The following GRM7 variants were observed in gnomAD, a reference collection of about 807,000 sequenced individuals.
GRM7 encodes the protein glutamate metabotropic receptor 7, also known as metabotropic glutamate receptor 7.
GRM7 carries 35 observed loss-of-function variants against 84.5 expected under a neutral mutation model. The observed-to-expected ratio is 0.41, with a 90% CI of 0.32 to 0.55. The LOEUF is 0.55. Ranked by LOEUF, GRM7 falls within the 20% of genes least tolerant of loss-of-function variation. The pLI, the probability that GRM7 is intolerant of heterozygous loss-of-function variation, is 0.19. For missense variants in GRM7, 1,003 were observed against 1,194.6 expected (o/e 0.84, Z 2.36); for synonymous variants, 487 against 455.1 (o/e 1.07, Z -0.89).
chr3:7,005,450 C>T (rs965748837), intron 1 of GRM7, among the ~76,000 whole-genome samples: 1 of 152,164 alleles, frequency 6.6e-6, no homozygotes, highest in Non-Finnish European at 1.5e-5. Flanking sequence ...CTTTAAAGTT[C>T]TGAAAGCCTC....
intron 2 of GRM7, among the ~76,000 whole-genome samples, chr3:7,174,210 G>A (rs1474718275): frequency 2.0e-5 from 3 of 152,202 alleles, no homozygotes; most frequent in Non-Finnish European, 4.4e-5. Flanking sequence ...CTGGTGAAGA[G>A]TGTGGATTCA....
At chr3:7,163,628 A>G (rs139319742) in intron 2 of GRM7, among the ~76,000 whole-genome samples, 2 of 152,258 alleles carry the variant, frequency 1.3e-5, no homozygotes, top group Non-Finnish European at 2.9e-5. Flanking sequence ...TGTGTGTTGG[A>G]TGTTATTTTA....
chr3:7,141,838 T>C (rs1693954461), intron 1 of GRM7, among the ~76,000 whole-genome samples: 1 of 152,116 alleles, frequency 6.6e-6, no homozygotes. Context: ...GAATTATTAA[T>C]TAATAAATGG....
chr3:7,122,072 A>G (rs1180276258), intron 1 of GRM7, among the ~76,000 whole-genome samples: 2 of 152,144 alleles, frequency 1.3e-5, no homozygotes, highest in African/African-American at 2.4e-5. Flanking sequence ...CTCCAAAACT[A>G]AGGACCAAAT....
rs1694985140 is a variant in GRM7, at chr3:7,391,331, T to C, written c.1034-23692T>C. On this transcript the variant is annotated intron_variant, in intron 4 of 9. Transcript: ENST00000357716. ...ACCCAAATGTCCATCAATGATAGAC[T>C]GGATTAAGAAAATGTGGCACATACA... Among the ~76,000 whole-genome samples the C allele has an allele frequency of 1.3e-5, 2 of 152,156 alleles. 1 individual carries two copies. Among genetic ancestry groups the C allele is most frequent in the South Asian group, 4.1e-4 (2 of 4,834 alleles).
intron 1 of GRM7, among the ~76,000 whole-genome samples, chr3:7,050,014 G>A (rs181438739): frequency 2.0e-5 from 3 of 151,986 alleles, no homozygotes; most frequent in African/African-American, 7.2e-5. Context: ...AATCAGGAAA[G>A]TATCATGGCT....
At chr3:7,150,131 C>G (rs1694240136) in intron 2 of GRM7, among the ~76,000 whole-genome samples, 1 of 151,874 alleles carries the variant, frequency 6.6e-6, no homozygotes, top group African/African-American at 2.4e-5. Context: ...TGCATAGACT[C>G]AATGGCATTG....
intron 2 of GRM7, among the ~76,000 whole-genome samples, chr3:7,268,968 G>C (rs979490424): frequency 3.3e-5 from 5 of 152,268 alleles, no homozygotes; most frequent in Admixed American, 1.3e-4. Flanking sequence ...GGAGAGCGTA[G>C]TCAGTAGACC....
intron 7 of GRM7, among the ~76,000 whole-genome samples, chr3:7,490,974 T>G (rs576166301): frequency 7.9e-5 from 12 of 152,126 alleles, no homozygotes; most frequent in African/African-American, 2.6e-4. Flanking sequence ...AGAAAAAATC[T>G]GAAAATAATT....
chr3:7,654,800 T>C (rs953487247), intron 8 of GRM7, among the ~76,000 whole-genome samples: 2 of 152,256 alleles, frequency 1.3e-5, no homozygotes, highest in South Asian at 2.1e-4. Flanking sequence ...CAAATTTTTG[T>C]TCTTACGAAA....
At chr3:7,047,979 A>T (rs966555901) in intron 1 of GRM7, among the ~76,000 whole-genome samples, 1 of 152,034 alleles carries the variant, frequency 6.6e-6, no homozygotes, top group Admixed American at 6.6e-5. Flanking sequence ...GGTATTGACA[A>T]TGTGAAGATT....
intron 1 of GRM7, among the ~76,000 whole-genome samples, chr3:7,138,488 A>G (rs1693841619): frequency 6.6e-6 from 1 of 151,958 alleles, no homozygotes; most frequent in South Asian, 2.1e-4. Flanking sequence ...ACTGGTAGAC[A>G]TGAAAAGAAG....
chr3:7,446,512 G>A (rs1015743200), intron 5 of GRM7, among the ~76,000 whole-genome samples: 1 of 140,302 alleles, frequency 7.1e-6, no homozygotes, highest in African/African-American at 2.7e-5. Flanking sequence ...CCAGGCTGAA[G>A]TGTAGTGGCG....
intron 1 of GRM7, among the ~76,000 whole-genome samples, chr3:7,032,489 G>A (rs1696227016): frequency 6.6e-6 from 1 of 152,136 alleles, no homozygotes; most frequent in South Asian, 2.1e-4. Context: ...TTCGTGCTTA[G>A]GAGAAAATCA....
intron 9 of GRM7, among the ~76,000 whole-genome samples, chr3:7,699,662 T>A (rs545145140): frequency 2.4e-4 from 37 of 152,314 alleles, no homozygotes; most frequent in South Asian, 1.2e-3. Flanking sequence ...GGGTTTTTTT[T>A]ATCATGTCAT....
Position 7,452,615 on chromosome 3 carries a change from A to G in GRM7, c.1183A>G (p.Arg395Gly). Reference sequence around the variant, plus strand: ...CTTGTTTTAATGTGCAGGACAGGAGAGAATTGGAAAAGATTCCAACTATGA... The same window carrying G: ...CTTGTTTTAATGTGCAGGACAGGAGGGAATTGGAAAAGATTCCAACTATGA... ...DTDRKCTGQE[R>G]IGKDSNYEQE... The change falls in exon 6 of 10, where the codon AGA becomes GGA. Residue 395 changes from arginine to glycine, a missense_variant. Around this residue, in one of 2 missense-constraint regions of GRM7, gnomAD observed 910 missense variants for 1,126.0 expected, o/e 0.81. Coordinates refer to ENST00000357716, the MANE Select transcript of GRM7 (RefSeq NM_000844.4). 6.2e-7 allele frequency: 1 copy of G among 1,605,242 alleles called. No individual in the cohort carries two copies. The highest frequency in any genetic ancestry group is 8.5e-7 in the Non-Finnish European group (1 of 1,172,078).
At chr3:7,500,303 A>C (rs745516083) in intron 7 of GRM7, among the ~76,000 whole-genome samples, 3 of 152,230 alleles carry the variant, frequency 2.0e-5, no homozygotes, top group Non-Finnish European at 2.9e-5. Flanking sequence ...TCAAATTTGG[A>C]AGAAAATTAT....
intron 1 of GRM7, among the ~76,000 whole-genome samples, chr3:7,023,823 G>A (rs1011799734): frequency 5.9e-5 from 9 of 152,196 alleles, no homozygotes; most frequent in African/African-American, 2.4e-5. Context: ...TTATCTTGGA[G>A]TGGGGAGACA....
At chr3:6,953,681 C>T (rs1692892186) in intron 1 of GRM7, among the ~76,000 whole-genome samples, 2 of 152,174 alleles carry the variant, frequency 1.3e-5, no homozygotes, top group South Asian at 2.1e-4. Context: ...CAGGTGATTG[C>T]TGAATAATCT....
Sources: allele counts gnomAD v4.1 joint callset (sites outside exome capture counted in the v4.1 genomes callset), GRCh38; gene constraint gnomAD v4.1.1; regional missense constraint gnomAD v4.1.1; transcripts MANE v1.5; gene names NCBI Gene and HGNC (gene_info 2026-07-23, HGNC 2026-07-21).